Variants in PHLPP1 observed in about 807,000 individuals in gnomAD.
PHLPP1 encodes the protein PH domain leucine-rich repeat-containing protein phosphatase 1.
A neutral mutation model predicts 117.2 loss-of-function variants in PHLPP1; 42 were observed. The ratio of observed to expected loss-of-function variants is 0.36; its 90% CI spans 0.28 to 0.46. The LOEUF is 0.46. PHLPP1 is among the 20% of genes least tolerant of loss of function. The pLI, the probability that PHLPP1 is intolerant of heterozygous loss-of-function variation, is 1.00. For synonymous variants in PHLPP1, 1,042 were observed against 970.7 expected (o/e 1.07, Z -1.37); for missense variants, 2,084 against 2,241.9 (o/e 0.93, Z 1.42).
chr18:62,848,508 G>T (rs1263633011), intron 3 of PHLPP1, among the ~76,000 whole-genome samples: 1 of 127,154 alleles, frequency 7.9e-6, no homozygotes, highest in Non-Finnish European at 1.6e-5. Context: ...TGTCGCTCAA[G>T]CTGCTGTGCA....
At chr18:62,946,945 C>T (rs1391574542) in intron 12 of PHLPP1, among the ~76,000 whole-genome samples, 9 of 151,974 alleles carry the variant, frequency 5.9e-5, no homozygotes, top group South Asian at 2.1e-4. Context: ...CCCAGCTACT[C>T]GGGAGGCTGA....
At position 62,979,498 on chromosome 18, in the gene PHLPP1, A is replaced by T; in HGVS notation, c.*67A>T. ...TGAGTTGCAAGAGTCTCCCAGGCTC[A>T]CATTAAACCAGGGGTTTTACTCCAC... On this transcript the variant is annotated 3_prime_UTR_variant, in exon 17 of 17. Coordinates refer to ENST00000262719, the MANE Select transcript of PHLPP1 (RefSeq NM_194449.4). The T allele has an allele frequency of 1.3e-6, 2 of 1,494,852 alleles. No homozygotes were observed. Among genetic ancestry groups the T allele is most frequent in the South Asian group, 2.7e-5 (2 of 74,918 alleles). 92.6% of individuals were successfully genotyped at this position (1,494,852 alleles called of 1,614,324 possible).
intron 4 of PHLPP1, among the ~76,000 whole-genome samples, chr18:62,861,027 C>CTTA (rs1380378764): frequency 6.6e-6 from 1 of 152,126 alleles, no homozygotes; most frequent in East Asian, 1.9e-4. Context: ...TAAGAACCAG[C>CTTA]GTTTAAATCA....
intron 11 of PHLPP1, among the ~76,000 whole-genome samples, chr18:62,942,630 G>A (rs183461606): frequency 7.2e-5 from 11 of 152,118 alleles, no homozygotes; most frequent in Non-Finnish European, 7.4e-5. Context: ...GTGAATCTGC[G>A]TGCTGAGCCT....
intron 13 of PHLPP1, among the ~76,000 whole-genome samples, chr18:62,958,986 A>T (rs1231521890): frequency 6.6e-6 from 1 of 152,252 alleles, no homozygotes; most frequent in Non-Finnish European, 1.5e-5. Context: ...AATATTAAGG[A>T]AGGATTTTAA....
intron 10 of PHLPP1, 90 bp downstream of exon 10, chr18:62,920,204 TTC>T (rs1909421339): frequency 8.3e-7 from 1 of 1,204,678 alleles, no homozygotes; most frequent in African/African-American, 1.5e-5. Flanking sequence ...TGTATAAACT[TTC>T]TGAGTATGTA....
At chr18:62,819,715 G>T (rs1293522930) in intron 1 of PHLPP1, among the ~76,000 whole-genome samples, 1 of 152,010 alleles carries the variant, frequency 6.6e-6, no homozygotes, top group African/African-American at 2.4e-5. Flanking sequence ...GTGCAATCTG[G>T]GCTCACTGCA....
chr18:62,806,678 ATGT>A (rs1913960284), intron 1 of PHLPP1, among the ~76,000 whole-genome samples: 2 of 152,206 alleles, frequency 1.3e-5, no homozygotes, highest in South Asian at 2.1e-4. Flanking sequence ...GGCTATCTAA[ATGT>A]TGTTTGCAAT....
chr18:62,840,577 T>C (rs1262985704), intron 3 of PHLPP1, among the ~76,000 whole-genome samples: 1 of 152,250 alleles, frequency 6.6e-6, no homozygotes, highest in African/African-American at 2.4e-5. Flanking sequence ...AGTGGTTTTA[T>C]GGGTTGAAAG....
chr18:62,845,579 A>C (rs1017290205), intron 3 of PHLPP1, among the ~76,000 whole-genome samples: 1 of 152,216 alleles, frequency 6.6e-6, no homozygotes, highest in Non-Finnish European at 1.5e-5. Context: ...TAGTATAACA[A>C]GATTGAGGTT....
At chr18:62,899,961 C>T (rs1191482548) in intron 6 of PHLPP1, among the ~76,000 whole-genome samples, 3 of 152,160 alleles carry the variant, frequency 2.0e-5, no homozygotes, top group African/African-American at 7.2e-5. Flanking sequence ...TGAGTAACCA[C>T]GCCTGGCCAG....
In PHLPP1 at chr18:62,902,971, G is replaced by A. The variant is rs773923135; in HGVS notation, c.2452G>A (p.Val818Ile). ...HIKHVDLRLN[V>I]IRKLIADEVD... ...ATGTCCTTTGCCCTCAAGGTTGAAC[G>A]TAATTAGGAAGCTGATAGCAGATGA... Residue 818 changes from valine to isoleucine, a missense_variant, in exon 7 of 17, where the codon GTA (valine) becomes ATA (isoleucine). Coordinates refer to ENST00000262719, the MANE Select transcript of PHLPP1 (RefSeq NM_194449.4). 9 of 1,608,484 alleles carry A rather than the reference G, an allele frequency of 5.6e-6. No individual in the cohort carries two copies. Among genetic ancestry groups the A allele is most frequent in the East Asian group, 2.2e-5 (1 of 44,848 alleles).
At chr18:62,720,589 A>T (rs993546829) in intron 1 of PHLPP1, among the ~76,000 whole-genome samples, 4 of 152,166 alleles carry the variant, frequency 2.6e-5, no homozygotes, top group Non-Finnish European at 4.4e-5. Context: ...TTAAGCTATA[A>T]TATTGACAAG....
chr18:62,932,903 A>G (rs1443955694), intron 10 of PHLPP1, among the ~76,000 whole-genome samples: 1 of 152,244 alleles, frequency 6.6e-6, no homozygotes, highest in African/African-American at 2.4e-5. Context: ...TTGATAAACA[A>G]CTTCAGTAAA....
intron 4 of PHLPP1, among the ~76,000 whole-genome samples, chr18:62,884,700 C>T (rs982773100): frequency 2.0e-5 from 3 of 152,192 alleles, no homozygotes; most frequent in Admixed American, 6.5e-5. Context: ...TACTGTGAAA[C>T]GGAAATTTAT....
At position 62,716,785 on chromosome 18, in the gene PHLPP1, A is replaced by AGCG. The variant is rs1342098740; in HGVS notation, c.1111_1113dup (p.Gly371dup). On this transcript the variant is annotated inframe_insertion, in exon 1 of 17. Transcript: ENST00000262719. This position sits in a 1 kb window ranked among gnomAD's most constrained non-coding sequence, Gnocchi z 5.7. ...GTCTGACCGGTTGGACCCCTACAGC[A>AGCG]GCGGCGGCGGCTCCTCGTCGTCGTC... 6.6e-7 allele frequency: 1 copy of AGCG among 1,525,680 alleles called. No homozygotes were observed. Among genetic ancestry groups the AGCG allele is most frequent in the Non-Finnish European group, 8.8e-7 (1 of 1,142,094 alleles). The allele number at this position is 1,525,680 out of a possible 1,614,324, so 94.5% of individuals were successfully genotyped here. A position where few individuals can be genotyped will look rare whatever the true frequency, so the allele number is the denominator to read the frequency against.
intron 1 of PHLPP1, among the ~76,000 whole-genome samples, chr18:62,726,217 GT>G (rs1243910638): frequency 1.3e-5 from 2 of 151,944 alleles, no homozygotes; most frequent in African/African-American, 4.8e-5. Context: ...GGTGAGTAGG[GT>G]AACTGATCCT....
At chr18:62,762,660 T>G (rs1021670760) in intron 1 of PHLPP1, among the ~76,000 whole-genome samples, 1 of 152,130 alleles carries the variant, frequency 6.6e-6, no homozygotes, top group African/African-American at 2.4e-5. Flanking sequence ...ATGATCCACC[T>G]GCCTTGGCCT....
intron 16 of PHLPP1, among the ~76,000 whole-genome samples, chr18:62,977,555 G>A (rs1310588189): frequency 6.6e-6 from 1 of 151,942 alleles, no homozygotes; most frequent in African/African-American, 2.4e-5. Flanking sequence ...TTCTCCATTG[G>A]TCAACAGGAA....
Sources: allele counts gnomAD v4.1 joint callset (sites outside exome capture counted in the v4.1 genomes callset), GRCh38; gene constraint gnomAD v4.1.1; non-coding constraint Gnocchi (gnomAD v3.1); transcripts MANE v1.5; gene names NCBI Gene and HGNC (gene_info 2026-07-23, HGNC 2026-07-21).